Variants in CCSER1 observed in about 807,000 individuals in gnomAD.
The protein encoded by CCSER1 is coiled-coil serine rich protein 1, also known as serine-rich coiled-coil domain-containing protein 1.
In CCSER1, 41 loss-of-function variants were observed where a neutral mutation model predicts 82.0. That is an observed-to-expected ratio of 0.50 (90% CI 0.39 to 0.65). The LOEUF (loss-of-function observed/expected upper bound fraction) is 0.65. Among genes scored for constraint, CCSER1 ranks in the 30% least tolerant of loss-of-function variants. The pLI is 0.00. For synonymous variants in CCSER1, 414 were observed against 383.9 expected (o/e 1.08, Z -0.92); for missense variants, 1,119 against 1,064.2 (o/e 1.05, Z -0.72).
intron 10 of CCSER1, among the ~76,000 whole-genome samples, chr4:91,284,733 C>G (rs1743148248): frequency 6.6e-6 from 1 of 152,064 alleles, no homozygotes; most frequent in South Asian, 2.1e-4. Flanking sequence ...CTCTAATTGT[C>G]ATGCCTAGCA....
In CCSER1 at chr4:90,574,965, G is replaced by A. The variant is rs143655311; in HGVS notation, c.1725-53060G>A. ...GACTTGTGAGAAATTTGCTCATTTA[G>A]AATTTCAAGTTCTTGTTTTTTACTA... On this transcript the variant is annotated intron_variant, in intron 5 of 10. Transcript: ENST00000509176. 6.5e-3 allele frequency among the ~76,000 whole-genome samples: 983 copies of A among 152,134 alleles called. 17 individuals are homozygous for A. The highest frequency in any genetic ancestry group is 0.023 in the African/African-American group (936 of 41,496).
At position 91,436,616 on chromosome 4, in the gene CCSER1, G is replaced by A. The variant is rs560235511; in HGVS notation, c.2218-161956G>A. On this transcript the variant is annotated intron_variant, in intron 10 of 10. Transcript: ENST00000509176. ...CATAATGCTGCCAATGTTAATAATC[G>A]TGTGGGGAGGTAAATGAGAAAATGA... is the stretch of plus-strand genomic sequence containing the variant. 3.9e-5 allele frequency among the ~76,000 whole-genome samples: 6 copies of A among 152,312 alleles called. 1 individual carries two copies. Among genetic ancestry groups the A allele is most frequent in the East Asian group, 3.9e-4 (2 of 5,170 alleles).
rs189954152 is a variant in CCSER1 at position 91,329,231 on chromosome 4, T to C, written c.2217+243237T>C. On this transcript the variant is annotated intron_variant, in intron 10 of 10. Coordinates refer to ENST00000509176, the MANE Select transcript of CCSER1 (RefSeq NM_001145065.2). Reference sequence around the variant, plus strand: ...ACTGAAATGTAAAGGGAAAAATATTTTGAACATATTGATCTTATATCCAGC... The same window carrying C: ...ACTGAAATGTAAAGGGAAAAATATTCTGAACATATTGATCTTATATCCAGC... 3.9e-4 allele frequency among the ~76,000 whole-genome samples: 60 copies of C among 152,230 alleles called. 1 individual carries two copies. The East Asian group carries it at 7.1e-3, about 18-fold the overall frequency.
At chr4:91,428,827 T>G (rs899332716) in intron 10 of CCSER1, among the ~76,000 whole-genome samples, 2 of 152,076 alleles carry the variant, frequency 1.3e-5, no homozygotes, top group African/African-American at 4.8e-5. Context: ...GAATGAAAAG[T>G]ACTTTATTAA....
At chr4:90,785,007 G>A (rs965378021) in intron 7 of CCSER1, among the ~76,000 whole-genome samples, 4 of 151,996 alleles carry the variant, frequency 2.6e-5, no homozygotes, top group Non-Finnish European at 5.9e-5. Context: ...TGCTTTCTCA[G>A]GGGTGGAAGA....
intron 1 of CCSER1, among the ~76,000 whole-genome samples, chr4:90,233,389 C>A (rs1284786631): frequency 6.6e-6 from 1 of 151,940 alleles, no homozygotes; most frequent in Non-Finnish European, 1.5e-5. Flanking sequence ...AACCCAACAC[C>A]GCATATTCTC....
intron 10 of CCSER1, among the ~76,000 whole-genome samples, chr4:91,316,798 T>G (rs1745864358): frequency 6.6e-6 from 1 of 151,944 alleles, no homozygotes; most frequent in Non-Finnish European, 1.5e-5. Flanking sequence ...TTTCAAAGAC[T>G]TCCTATCTCC....
chr4:91,159,063 A>C (rs1220802009), intron 10 of CCSER1, among the ~76,000 whole-genome samples: 2 of 151,830 alleles, frequency 1.3e-5, no homozygotes, highest in Non-Finnish European at 2.9e-5. Context: ...ATTTCCAGTG[A>C]TTTCCCATTG....
At chr4:90,143,491 T>TACACACACACACAC (rs56859054) in intron 1 of CCSER1, among the ~76,000 whole-genome samples, 1,905 of 141,240 alleles carry the variant, frequency 0.013, 19 homozygotes, top group Non-Finnish European at 0.021. Flanking sequence ...AGTACACACA[T>TACACACACACACAC]ACACACACAC....
rs541453360 is a variant in CCSER1, at chr4:90,348,996, A to G, written c.1509+35949A>G. Among the ~76,000 whole-genome samples, 11 of 152,274 alleles carry G rather than the reference A, an allele frequency of 7.2e-5. No individual in the cohort carries two copies. The South Asian group carries it at 1.9e-3, about 26-fold the overall frequency. ...GCACTGTATCTGATGTTTCCTAAAT[A>G]TAAGTTTATGGCTTTGAAAGAATGA... On this transcript the variant is annotated intron_variant, in intron 3 of 10. Coordinates refer to ENST00000509176, the MANE Select transcript of CCSER1 (RefSeq NM_001145065.2).
chr4:91,233,897 G>A (rs1349057186), intron 10 of CCSER1, among the ~76,000 whole-genome samples: 2 of 151,708 alleles, frequency 1.3e-5, no homozygotes, highest in African/African-American at 2.4e-5. Context: ...ATTTAGTAAA[G>A]CAATTACTAA....
intron 10 of CCSER1, among the ~76,000 whole-genome samples, chr4:91,460,035 A>G (rs1453095963): frequency 6.6e-6 from 1 of 152,162 alleles, no homozygotes; most frequent in African/African-American, 2.4e-5. Context: ...GCCCTTCTTC[A>G]CATAGTCTCA....
intron 7 of CCSER1, among the ~76,000 whole-genome samples, chr4:90,811,083 C>T (rs182359357): frequency 1.1e-3 from 174 of 152,194 alleles, no homozygotes; most frequent in African/African-American, 4.0e-3. Flanking sequence ...TTGTGATCCG[C>T]CCGCGTCGGC....
At chr4:90,443,600 A>C (rs1372796096) in intron 4 of CCSER1, among the ~76,000 whole-genome samples, 2 of 152,066 alleles carry the variant, frequency 1.3e-5, no homozygotes, top group East Asian at 3.9e-4. Flanking sequence ...GATAAGGGGG[A>C]CTACTGCATA....
rs1210579975 is a variant in CCSER1 at position 91,085,987 on chromosome 4, G to A, written c.2210G>A (p.Gly737Glu). 1 of 1,528,746 alleles carries A rather than the reference G, an allele frequency of 6.5e-7. No individual in the cohort carries two copies. The highest frequency in any genetic ancestry group is 1.2e-5 in the South Asian group (1 of 83,454). 94.7% of individuals were successfully genotyped at this position (1,528,746 alleles called of 1,614,324 possible). ...AAAAGACTAGAGACAGTACAAGGAG[G>A]GAGAGAGGTAAGAATGTTTAAAGAA... is the stretch of plus-strand genomic sequence containing the variant. Reference protein sequence around the residue: ...NLKRLETVQGGREATYRNRIV... With the variant: ...NLKRLETVQGEREATYRNRIV... The change falls in exon 10 of 11, where the codon GGG becomes GAG. Residue 737 changes from glycine (G) to glutamate (E), a missense_variant. Transcript: ENST00000509176.
At chr4:91,495,323 G>A (rs1331442954) in intron 10 of CCSER1, among the ~76,000 whole-genome samples, 2 of 151,440 alleles carry the variant, frequency 1.3e-5, no homozygotes, top group Non-Finnish European at 3.0e-5. Flanking sequence ...TTGACAAACT[G>A]TTAAAAACCA....
chr4:90,286,474 TACAC>T (rs1370932051), intron 1 of CCSER1, among the ~76,000 whole-genome samples: 2 of 152,080 alleles, frequency 1.3e-5, no homozygotes, highest in African/African-American at 4.8e-5. Context: ...TTGTGCCACT[TACAC>T]AGTTTATTGA....
intron 7 of CCSER1, among the ~76,000 whole-genome samples, chr4:90,730,472 A>G (rs1218080920): frequency 6.6e-6 from 1 of 152,206 alleles, no homozygotes; most frequent in Non-Finnish European, 1.5e-5. Context: ...GTTCTTAGTA[A>G]TATTCTAAGG....
intron 10 of CCSER1, among the ~76,000 whole-genome samples, chr4:91,358,407 TTTTC>T (rs1749013040): frequency 6.8e-6 from 1 of 147,968 alleles, no homozygotes; most frequent in Non-Finnish European, 1.5e-5. Flanking sequence ...TTTTTTTTTT[TTTTC>T]CCGAGACAAA....
Sources: gnomAD v4.1 joint callset for allele counts (sites outside exome capture counted in the v4.1 genomes callset) on GRCh38, gnomAD v4.1.1 for gene constraint, MANE v1.5 for transcripts, NCBI Gene and HGNC (gene_info 2026-07-23, HGNC 2026-07-21) for gene names.